The following STK11IP variants were observed in gnomAD, a reference collection of about 807,000 sequenced individuals.
STK11IP encodes serine/threonine kinase 11 interacting protein.
A neutral mutation model predicts 131.7 loss-of-function variants in STK11IP; 103 were observed. That is an observed-to-expected ratio of 0.78 (90% confidence interval 0.67 to 0.92). The LOEUF is 0.92. STK11IP is among the 40% of genes least tolerant of loss of function. The pLI, the probability that STK11IP is intolerant of heterozygous loss-of-function variation, is 0.00. For missense variants in STK11IP, 1,315 were observed against 1,385.7 expected (o/e 0.95, Z 0.81); for synonymous variants, 557 against 575.6 (o/e 0.97, Z 0.46).
At chr2:219,606,892 G>GT in intron 12 of STK11IP, 34 bp downstream of exon 12, 1 of 1,595,334 alleles carries the variant, frequency 6.3e-7, no homozygotes, top group Non-Finnish European at 8.6e-7. Context: ...TGTGCCTGCG[G>GT]TTGGGTGTCT....
chr2:219,605,235 T>C (rs1324966119), intron 7 of STK11IP, among the ~76,000 whole-genome samples: 1 of 152,248 alleles, frequency 6.6e-6, no homozygotes, highest in Non-Finnish European at 1.5e-5. Context: ...GAAACCCATC[T>C]GAGTTTGCTA....
intron 22 of STK11IP, 51 bp downstream of exon 22, chr2:219,614,293 C>T (rs369044306): frequency 8.1e-6 from 13 of 1,601,626 alleles, no homozygotes; most frequent in African/African-American, 1.3e-5. Context: ...CCTCTTTCCA[C>T]AGAGCCCCAG....
At chr2:219,600,605 A>C (rs1443778913) in intron 2 of STK11IP, among the ~76,000 whole-genome samples, 1 of 152,234 alleles carries the variant, frequency 6.6e-6, no homozygotes, top group Admixed American at 6.5e-5. Context: ...TACCAGAGTG[A>C]TCAAAAGATG....
intron 24 of STK11IP, 143 bp from the exon 25 acceptor site, chr2:219,615,899 CTT>C: frequency 9.3e-7 from 1 of 1,072,624 alleles, no homozygotes; most frequent in Non-Finnish European, 1.4e-6. Context: ...GAGTCAGGAT[CTT>C]TTATGGGGAG....
Position 219,615,203 on chromosome 2 carries a change from C to A in STK11IP, c.2979C>A (p.Gly993=). 6.3e-7 allele frequency: 1 copy of A among 1,595,814 alleles called. No homozygotes were observed. The change falls in exon 24 of 25, where the codon GGC becomes GGA. Residue 993 remains glycine, a synonymous_variant. Coordinates refer to ENST00000456909, the MANE Select transcript of STK11IP (RefSeq NM_052902.4). The part of the protein sequence containing the change: ...PAEPSPPAAS[G]EASEKVPPSG... ...AGCCCTCTCCTCCAGCAGCATCTGGCGAAGCCTCTGAGAAGGTGCCTCCCT... is the reference window on the plus strand; with the variant it reads ...AGCCCTCTCCTCCAGCAGCATCTGGAGAAGCCTCTGAGAAGGTGCCTCCCT...
chr2:219,605,853 G>T, intron 8 of STK11IP, 103 bp from the exon 9 acceptor site: 1 of 1,481,848 alleles, frequency 6.7e-7, no homozygotes. Context: ...GTGCAGGGGT[G>T]CTCTGGCCGG....
rs1574630823 is a variant in STK11IP, at chr2:219,613,235, A to C, written c.2537+10A>C. ...TGACTGGGGAGATGCGGTGAGTGAG[A>C]GGGGAGATGCAGTGAGTAAGGGGGG... On this transcript the variant is annotated intron_variant, in intron 20 of 24. Transcript: ENST00000456909. 8.2e-7 allele frequency: 1 copy of C among 1,219,040 alleles called. No individual in the cohort carries two copies. Among genetic ancestry groups the C allele is most frequent in the South Asian group, 1.2e-5 (1 of 83,158 alleles). The allele number at this position is 1,219,040 out of a possible 1,614,324, so 75.5% of individuals were successfully genotyped here. A position where few individuals can be genotyped will look rare whatever the true frequency, so the allele number is the denominator to read the frequency against.
intron 19 of STK11IP, 72 bp downstream of exon 19, chr2:219,612,130 G>T: frequency 7.1e-7 from 1 of 1,409,274 alleles, no homozygotes; most frequent in South Asian, 1.2e-5. Context: ...ACAGCCAACT[G>T]AGTCAGATCA....
intron 2 of STK11IP, chr2:219,598,404 C>T: frequency 2.1e-6 from 1 of 471,648 alleles, no homozygotes; most frequent in East Asian, 3.6e-5. Flanking sequence ...GGTATCCCTC[C>T]CTCCGTGCCT....
intron 7 of STK11IP, among the ~76,000 whole-genome samples, chr2:219,604,607 A>G (rs556375038): frequency 1.3e-5 from 2 of 152,338 alleles, no homozygotes; most frequent in African/African-American, 4.8e-5. Flanking sequence ...TGGTTGGAGC[A>G]GACTATAAAT....
rs1041555539 is a variant in STK11IP, at chr2:219,608,775, C to T, written c.1796C>T (p.Ser599Leu). The T allele has an allele frequency of 2.2e-5, 36 of 1,605,070 alleles. No individual in the cohort carries two copies. The highest frequency in any genetic ancestry group is 2.7e-5 in the Non-Finnish European group (32 of 1,176,586). ...EIEPEAQAQR[S>L]PRPTGSDLLP... Reference sequence around the variant, plus strand: ...GAGCCGGAGGCCCAGGCCCAGAGGTCGCCCAGGCCCACGGTGAGTGGGGCG... The same window carrying T: ...GAGCCGGAGGCCCAGGCCCAGAGGTTGCCCAGGCCCACGGTGAGTGGGGCG... Residue 599 changes from serine to leucine, a missense_variant, in exon 15 of 25, where the codon TCG becomes TTG. By Grantham distance (145) the Ser-to-Leu change is moderately radical (BLOSUM62 -2). Transcript: ENST00000456909.
At chr2:219,612,106 C>A in intron 19 of STK11IP, 48 bp downstream of exon 19, 2 of 1,518,588 alleles carry the variant, frequency 1.3e-6, no homozygotes, top group South Asian at 2.4e-5. Flanking sequence ...CCAGGGTGCC[C>A]ACTCGTTTCC....
chr2:219,614,281 A>G (rs757080030), intron 22 of STK11IP, 39 bp downstream of exon 22: 14 of 1,606,406 alleles, frequency 8.7e-6, no homozygotes, highest in African/African-American at 5.4e-5. Flanking sequence ...TTGCTGCCCA[A>G]TCCTCTTTCC....
intron 19 of STK11IP, 116 bp from the exon 20 acceptor site, chr2:219,613,011 TG>T (rs928251739): frequency 2.9e-6 from 2 of 696,484 alleles, no homozygotes; most frequent in Non-Finnish European, 5.1e-6. Flanking sequence ...CATAGACTGG[TG>T]GGTGGGCAGT....
At chr2:219,608,549 T>C (rs1163665309) in intron 14 of STK11IP, 34 bp from the exon 15 acceptor site, 14 of 1,552,028 alleles carry the variant, frequency 9.0e-6, no homozygotes, top group Admixed American at 1.9e-5. Flanking sequence ...GTACTTTCCC[T>C]CCCTGCAGGC....
Position 219,598,134 on chromosome 2 carries a change from G to A in STK11IP, c.15G>A (p.Gln5=), listed in dbSNP as rs1697855462. 2 of 1,591,526 alleles carry A rather than the reference G, an allele frequency of 1.3e-6. No homozygotes were observed. MTTA[Q]RDSLLWKLAG... Reference sequence around the variant, plus strand: ...GTCCCGTGGCCATGACGACCGCTCAGAGGGACTCCCTGTTGTGGAAGCTCG... The same window carrying A: ...GTCCCGTGGCCATGACGACCGCTCAAAGGGACTCCCTGTTGTGGAAGCTCG... Residue 5 remains glutamine, a synonymous_variant, in exon 2 of 25, where the codon CAG becomes CAA. Coordinates refer to ENST00000456909, the MANE Select transcript of STK11IP (RefSeq NM_052902.4).
chr2:219,601,888 G>A, intron 4 of STK11IP, 100 bp from the exon 5 acceptor site: 1 of 1,285,644 alleles, frequency 7.8e-7, no homozygotes, highest in Non-Finnish European at 1.1e-6. Context: ...AATCATAGCT[G>A]GGCTTTGTGG....
chr2:219,610,527 C>G (rs1698361529), intron 17 of STK11IP, among the ~76,000 whole-genome samples: 1 of 152,112 alleles, frequency 6.6e-6, no homozygotes, highest in Non-Finnish European at 1.5e-5. Flanking sequence ...CTCAGCCTCG[C>G]AAGTAGCTGG....
chr2:219,603,480 G>A (rs1698055737), intron 7 of STK11IP, among the ~76,000 whole-genome samples: 1 of 151,958 alleles, frequency 6.6e-6, no homozygotes, highest in South Asian at 2.1e-4. Context: ...CCACCTGTCA[G>A]AGATAAAGCC....
Sources: allele counts gnomAD v4.1 joint callset (sites outside exome capture counted in the v4.1 genomes callset), GRCh38; gene constraint gnomAD v4.1.1; transcripts MANE v1.5; gene names NCBI Gene and HGNC (gene_info 2026-07-23, HGNC 2026-07-21).